Variants in LLGL1 observed in about 807,000 individuals in gnomAD.
The protein encoded by LLGL1 is lethal(2) giant larvae protein homolog 1.
In LLGL1, 58 loss-of-function variants were observed where a neutral mutation model predicts 110.6. The observed-to-expected ratio is 0.52, with a 90% CI of 0.42 to 0.65. The LOEUF (loss-of-function observed/expected upper bound fraction) is 0.65. Among genes scored for constraint, LLGL1 ranks in the 30% least tolerant of loss-of-function variants. LLGL1 has a pLI of 0.00. For missense variants in LLGL1, 1,229 were observed against 1,462.1 expected, an observed-to-expected ratio of 0.84 and a Z score of 2.60; for synonymous variants, 674 against 607.2, an observed-to-expected ratio of 1.11 and a Z score of -1.62.
chr17:18,236,496 G>A (rs1379969359), intron 11 of LLGL1, 111 bp from the exon 12 acceptor site: 6 of 1,082,028 alleles, frequency 5.5e-6, no homozygotes, highest in Middle Eastern at 3.1e-4. Context: ...ATTCCGGTCA[G>A]TGTTTGGCAC....
rs771752705 is a variant in LLGL1 at position 18,238,154 on chromosome 17, C to G, written c.1992C>G (p.Phe664Leu). The G allele has an allele frequency of 6.2e-7, 1 of 1,613,608 alleles. No individual in the cohort carries two copies. Among genetic ancestry groups the G allele is most frequent in the Non-Finnish European group, 8.5e-7 (1 of 1,180,040 alleles). The change falls in exon 15 of 23, where the codon TTC (phenylalanine) becomes TTG (leucine). Residue 664 changes from phenylalanine to leucine, a missense_variant. Coordinates refer to ENST00000316843, the MANE Select transcript of LLGL1 (RefSeq NM_004140.4). ...KSLKKSLRQS[F>L]RRIRKSRVSG... The stretch of plus-strand genomic sequence containing the variant: ...TCAAGAAGTCACTGCGCCAGTCTTT[C>G]CGGCGCATTCGCAAGAGTCGTGTCT...
chr17:18,242,717 C>A, intron 21 of LLGL1, 26 bp from the exon 22 acceptor site: 1 of 1,562,382 alleles, frequency 6.4e-7, no homozygotes, highest in South Asian at 1.2e-5. Context: ...CCGCCCCCAC[C>A]CCTGAGCACC....
In LLGL1 at chr17:18,228,241, C is replaced by T. The variant is rs2047494653; in HGVS notation, c.82-1700C>T. 5.3e-5 allele frequency among the ~76,000 whole-genome samples: 8 copies of T among 152,206 alleles called. No individual in the cohort carries two copies. The South Asian group carries it at 1.4e-3, about 28-fold the overall frequency. The stretch of plus-strand genomic sequence containing the variant: ...TAGGGCGAGGGGGTGAGAGGTGTGG[C>T]CAGGGCGGCTGCTGCAGCCAGGGTG... On this transcript the variant is annotated intron_variant, in intron 1 of 22. Transcript: ENST00000316843.
Position 18,244,736 on chromosome 17 carries a change from A to AGGGGGT in LLGL1, c.*835_*836insTGGGGG, listed in dbSNP as rs2047957287. 2.0e-4 allele frequency: 2 copies of AGGGGGT among 10,212 alleles called. No homozygotes were observed. Among genetic ancestry groups the AGGGGGT allele is most frequent in the Non-Finnish European group, 3.9e-4 (2 of 5,172 alleles). 0.6% of individuals were successfully genotyped at this position (10,212 alleles called of 1,614,324 possible). A position where few individuals can be genotyped will look rare whatever the true frequency, so the allele number is the denominator to read the frequency against. On this transcript the variant is annotated 3_prime_UTR_variant, in exon 23 of 23. Coordinates refer to ENST00000316843, the MANE Select transcript of LLGL1 (RefSeq NM_004140.4). ...TGTGTGTCCGGCGGGGGGGGGGGGC[A>AGGGGGT]GGGGGGGGGGTCAAGATGAGTTTCC...
Position 18,234,178 on chromosome 17 carries a change from A to G in LLGL1, c.714+3A>G, listed in dbSNP as rs1182575635. ...ACCACATCTTCCTGGGGAACCAGGTATGTAGGTGAGGCCTGTGTCCCCTCA... is the reference window on the plus strand; with the variant it reads ...ACCACATCTTCCTGGGGAACCAGGTGTGTAGGTGAGGCCTGTGTCCCCTCA... On this transcript the variant is annotated splice_donor_region_variant and intron_variant, in intron 6 of 22. Transcript: ENST00000316843. The G allele has an allele frequency of 1.3e-5, 21 of 1,600,878 alleles. No individual in the cohort carries two copies. The highest frequency in any genetic ancestry group is 1.7e-4 in the Middle Eastern group (1 of 6,026).
At chr17:18,242,875 C>A in intron 22 of LLGL1, 53 bp downstream of exon 22, 1 of 1,473,054 alleles carries the variant, frequency 6.8e-7, no homozygotes, top group Non-Finnish European at 9.1e-7. Context: ...CCACCCCCTT[C>A]AGCCCGTCTG....
chr17:18,233,355 C>G (rs976129173), intron 4 of LLGL1, among the ~76,000 whole-genome samples: 5 of 152,162 alleles, frequency 3.3e-5, no homozygotes, highest in African/African-American at 4.8e-5. Context: ...AGTACCAACC[C>G]AGGGATGGAT....
rs753098537 is a variant in LLGL1 at position 18,232,833 on chromosome 17, C to T, written c.392+31C>T. 21 of 1,612,658 alleles carry T rather than the reference C, an allele frequency of 1.3e-5. No homozygotes were observed. The African/African-American group carries it at 1.5e-4, about 11-fold the overall frequency. ...GGAGAACTTGGCTGGGGCCAGCCAC[C>T]GGGCAGGGAGGATCTGGGGGAGGCT... is the stretch of plus-strand genomic sequence containing the variant. On this transcript the variant is annotated intron_variant, in intron 4 of 22. Coordinates refer to ENST00000316843, the MANE Select transcript of LLGL1 (RefSeq NM_004140.4).
In LLGL1 at chr17:18,242,908, C is replaced by T. The variant is rs997266004; in HGVS notation, c.*1+86C>T. 158 of 1,261,774 alleles carry T rather than the reference C, an allele frequency of 1.3e-4. 1 individual carries two copies. The highest frequency in any genetic ancestry group is 1.6e-4 in the Non-Finnish European group (147 of 925,760). 78.2% of individuals were successfully genotyped at this position (1,261,774 alleles called of 1,614,324 possible). A position where few individuals can be genotyped will look rare whatever the true frequency, so the allele number is the denominator to read the frequency against. On this transcript the variant is annotated intron_variant, in intron 22 of 22. Coordinates refer to ENST00000316843, the MANE Select transcript of LLGL1 (RefSeq NM_004140.4). The stretch of plus-strand genomic sequence containing the variant: ...CTGGGTACCATTTGGCCCTGGTCTT[C>T]TACCTGAGACCCTGGCAGGCCCATG...
chr17:18,230,203 C>T (rs1341093071), intron 2 of LLGL1, among the ~76,000 whole-genome samples, 165 bp downstream of exon 2: 1 of 152,154 alleles, frequency 6.6e-6, no homozygotes, highest in East Asian at 1.9e-4. Flanking sequence ...GGCTTCTGTA[C>T]CTGAGACAAC....
At chr17:18,241,833 C>G in intron 18 of LLGL1, 52 bp from the exon 19 acceptor site, 1 of 1,602,816 alleles carries the variant, frequency 6.2e-7, no homozygotes, top group Non-Finnish European at 8.5e-7. Context: ...CACGGAGGAG[C>G]TGTGGTTGGT....
chr17:18,228,283 C>T (rs143968150), intron 1 of LLGL1, among the ~76,000 whole-genome samples: 2 of 152,306 alleles, frequency 1.3e-5, no homozygotes, highest in African/African-American at 4.8e-5. Context: ...GGAGGCTTCT[C>T]TGAGGAGATT....
chr17:18,241,231 G>A (rs1396941477), intron 17 of LLGL1: 10 of 628,222 alleles, frequency 1.6e-5, no homozygotes, highest in Non-Finnish European at 2.5e-5. Flanking sequence ...ATAACTCTGT[G>A]ATTGATTTTG....
chr17:18,235,102 C>T lies in LLGL1; in HGVS notation c.1074C>T (p.Pro358=), dbSNP rs2142621251. 1.2e-6 allele frequency: 2 copies of T among 1,613,948 alleles called. No homozygotes were observed. The highest frequency in any genetic ancestry group is 8.5e-7 in the Non-Finnish European group (1 of 1,180,030). The change falls in exon 10 of 23, where the codon CCC becomes CCT. Residue 358 remains proline (P), a synonymous_variant. Transcript: ENST00000316843. ...STRPEDEFDD[P]QALAVLLEEE... is the part of the protein sequence containing the mutation. ...TCCGTCCCACAGAATTTGATGACCC[C>T]CAGGCCCTGGCTGTGCTGCTGGAAG...
chr17:18,236,519 C>A, intron 11 of LLGL1, 88 bp from the exon 12 acceptor site: 1 of 1,334,436 alleles, frequency 7.5e-7, no homozygotes. Context: ...GCAGTAGGTG[C>A]TTAGTGAGTG....
intron 14 of LLGL1, 77 bp from the exon 15 acceptor site, chr17:18,237,990 C>T: frequency 1.3e-6 from 2 of 1,540,490 alleles, no homozygotes; most frequent in Non-Finnish European, 1.8e-6. Context: ...ACCTGGGTGC[C>T]TCCACAGGCC....
intron 14 of LLGL1, 26 bp from the exon 15 acceptor site, chr17:18,238,041 C>A (rs781214744): frequency 1.9e-5 from 31 of 1,611,574 alleles, no homozygotes; most frequent in Non-Finnish European, 2.6e-5. Context: ...TGCTCTATAG[C>A]ACGACTGGAC....
chr17:18,243,146 C>T (rs926723849), intron 22 of LLGL1, among the ~76,000 whole-genome samples: 1 of 152,150 alleles, frequency 6.6e-6, no homozygotes, highest in Non-Finnish European at 1.5e-5. Flanking sequence ...CTTGCTCTGT[C>T]GCCCAGGCTG....
chr17:18,237,987 T>C, intron 14 of LLGL1, 80 bp from the exon 15 acceptor site: 2 of 1,512,514 alleles, frequency 1.3e-6, no homozygotes, highest in South Asian at 1.2e-5. Context: ...CTGACCTGGG[T>C]GCCTCCACAG....
Sources: allele counts gnomAD v4.1 joint callset (sites outside exome capture counted in the v4.1 genomes callset), GRCh38; gene constraint gnomAD v4.1.1; transcripts MANE v1.5; gene names NCBI Gene and HGNC (gene_info 2026-07-23, HGNC 2026-07-21).